Variants in TMC2 observed in about 807,000 individuals in gnomAD.
TMC2 encodes transmembrane channel like 2, also known as transmembrane channel-like protein 2.
Under a neutral mutation model 105.9 loss-of-function variants are expected in TMC2, and 102 were observed. That is an observed-to-expected ratio of 0.96 (90% CI 0.82 to 1.14). TMC2 has a LOEUF of 1.14. Among genes scored for constraint, TMC2 ranks in the 50% most tolerant of loss-of-function variants. TMC2 has a pLI of 0.00. For missense variants in TMC2, 1,093 were observed against 1,134.3 expected, an observed-to-expected ratio of 0.96 and a Z score of 0.52; for synonymous variants, 402 against 422.8, an observed-to-expected ratio of 0.95 and a Z score of 0.60.
At chr20:2,612,068 G>C in intron 12 of TMC2, 123 bp from the exon 13 acceptor site, 1 of 1,005,392 alleles carries the variant, frequency 9.9e-7, no homozygotes, top group South Asian at 2.0e-5. Flanking sequence ...GAAGGACTCT[G>C]TCCAGGGGAG....
At chr20:2,578,375 C>A (rs541494623) in intron 5 of TMC2, among the ~76,000 whole-genome samples, 2 of 152,134 alleles carry the variant, frequency 1.3e-5, no homozygotes, top group African/African-American at 4.8e-5. Flanking sequence ...TCTCTACTAC[C>A]TCTTATGCTT....
At chr20:2,622,792 A>C (rs996480129) in intron 16 of TMC2, among the ~76,000 whole-genome samples, 11 of 152,172 alleles carry the variant, frequency 7.2e-5, no homozygotes, top group Non-Finnish European at 1.0e-4. Flanking sequence ...TACACAGAAA[A>C]TGTTTAGCTG....
intron 2 of TMC2, among the ~76,000 whole-genome samples, chr20:2,541,178 T>G (rs1240075588): frequency 1.3e-5 from 2 of 152,240 alleles, no homozygotes; most frequent in Non-Finnish European, 2.9e-5. Context: ...TTCATGGTAA[T>G]TATTTTTAAT....
At chr20:2,551,088 T>C (rs977269267) in intron 2 of TMC2, among the ~76,000 whole-genome samples, 3 of 152,238 alleles carry the variant, frequency 2.0e-5, no homozygotes, top group Non-Finnish European at 4.4e-5. Flanking sequence ...GCTGTACCAT[T>C]TTGCATCCTC....
Position 2,643,474 on chromosome 20 carries a change from T to C in TMC2, c.*2123T>C, listed in dbSNP as rs1016318346. On this transcript the variant is annotated 3_prime_UTR_variant, in exon 20 of 20. Transcript: ENST00000358864. ...ACACAAACCAACCATCCTGATCTGA[T>C]GAAGTGTAATTTTATGTGACGGAAT... is the stretch of plus-strand genomic sequence containing the variant. 6.6e-6 allele frequency among the ~76,000 whole-genome samples: 1 copy of C among 152,208 alleles called. No individual in the cohort carries two copies. The highest frequency in any genetic ancestry group is 1.5e-5 in the Non-Finnish European group (1 of 68,036).
intron 19 of TMC2, among the ~76,000 whole-genome samples, chr20:2,638,299 A>G (rs372317708): frequency 3.5e-4 from 51 of 146,264 alleles, no homozygotes; most frequent in African/African-American, 1.0e-3. Flanking sequence ...CGAGCTTGCA[A>G]TGAGCTGAGA....
intron 7 of TMC2, among the ~76,000 whole-genome samples, chr20:2,581,831 T>C (rs1276998216): frequency 1.3e-5 from 2 of 152,230 alleles, no homozygotes; most frequent in African/African-American, 4.8e-5. Flanking sequence ...TTAATATTTT[T>C]ATGAGGGAAC....
chr20:2,589,270 CTGTGTGTGTGTGTGTG>C (rs750496572), intron 7 of TMC2, among the ~76,000 whole-genome samples: 381 of 116,348 alleles, frequency 3.3e-3, no homozygotes, highest in African/African-American at 0.014. Flanking sequence ...CCTATTTGCC[CTGTGTGTGTGTGTGTG>C]TGTGTGTGTG....
At chr20:2,608,300 T>TTTATTTTTTA (rs369930519) in intron 11 of TMC2, among the ~76,000 whole-genome samples, 11 of 134,596 alleles carry the variant, frequency 8.2e-5, no homozygotes, top group African/African-American at 2.7e-4. Context: ...CTTATTTTTA[T>TTTATTTTTTA]TTATTATTAT....
chr20:2,616,092 C>CA lies in TMC2; in HGVS notation c.1873-45_1873-44insA. 1 of 1,436,790 alleles carries CA rather than the reference C, an allele frequency of 7.0e-7. No individual in the cohort carries two copies. 89.0% of individuals were successfully genotyped at this position (1,436,790 alleles called of 1,614,324 possible). A position where few individuals can be genotyped will look rare whatever the true frequency, so the allele number is the denominator to read the frequency against. On this transcript the variant is annotated intron_variant, in intron 14 of 19. Coordinates refer to ENST00000358864, the MANE Select transcript of TMC2 (RefSeq NM_080751.3). The surrounding 1 kb of genome is among the most constrained non-coding windows in gnomAD (Gnocchi z 4.8). ...GGTTTGGCTGAATTCACCAAACGTG[C>CA]TTTTTTTTTTCTCTCTCTCTCTCGC...
chr20:2,627,743 C>A (rs1312240328), intron 17 of TMC2, among the ~76,000 whole-genome samples: 1 of 152,166 alleles, frequency 6.6e-6, no homozygotes. Context: ...CTCTGGAGAG[C>A]TGGACCAATA....
Position 2,579,957 on chromosome 20 carries a change from T to G in TMC2, c.735T>G (p.Phe245Leu), listed in dbSNP as rs545149494. Residue 245 changes from phenylalanine to leucine, a missense_variant, in exon 7 of 20, where the codon TTT (phenylalanine) becomes TTG (leucine). By Grantham distance (22) the Phe-to-Leu change is conservative. Transcript: ENST00000358864. ...CGTCTTTTCTCTCTCTAGGTCACTT[T>G]GGTTCTTCAGTGGCATCGTATTTCA... is the stretch of plus-strand genomic sequence containing the variant. ...EMKIKDIESH[F>L]GSSVASYFIF... is the part of the protein sequence containing the mutation. 5.6e-6 allele frequency: 9 copies of G among 1,613,308 alleles called. No homozygotes were observed. Among genetic ancestry groups the G allele is most frequent in the South Asian group, 1.1e-5 (1 of 91,062 alleles).
At chr20:2,545,664 A>G (rs2085917573) in intron 2 of TMC2, among the ~76,000 whole-genome samples, 1 of 149,998 alleles carries the variant, frequency 6.7e-6, no homozygotes, top group South Asian at 2.1e-4. Flanking sequence ...GGTCTAAAGC[A>G]AACAAAAGAA....
chr20:2,548,638 C>A (rs1486556310), intron 2 of TMC2, among the ~76,000 whole-genome samples: 20 of 136,066 alleles, frequency 1.5e-4, no homozygotes, highest in East Asian at 2.1e-4. Context: ...AACTCCATCT[C>A]AAAAAAAAAA....
chr20:2,575,792 C>T (rs922849484), intron 5 of TMC2, among the ~76,000 whole-genome samples: 1 of 146,128 alleles, frequency 6.8e-6, no homozygotes, highest in Admixed American at 7.1e-5. Flanking sequence ...AGAAATTTAT[C>T]AGGTTTATTC....
At chr20:2,607,228 C>T (rs2086400565) in intron 11 of TMC2, among the ~76,000 whole-genome samples, 1 of 152,098 alleles carries the variant, frequency 6.6e-6, no homozygotes, top group South Asian at 2.1e-4. Context: ...GTTAACGGAG[C>T]TCTCTCTTCC....
At chr20:2,613,126 ACTCT>A in intron 13 of TMC2, 64 bp from the exon 14 acceptor site, 1 of 1,556,078 alleles carries the variant, frequency 6.4e-7, no homozygotes, top group Middle Eastern at 2.0e-4. Context: ...CTCTCAACAA[ACTCT>A]CAGGGAGGGT....
intron 7 of TMC2, among the ~76,000 whole-genome samples, chr20:2,583,503 C>T (rs991962896): frequency 6.6e-6 from 1 of 150,894 alleles, no homozygotes; most frequent in African/African-American, 2.4e-5. Flanking sequence ...TGCTCTGTCA[C>T]CCAGGCTGAA....
At chr20:2,563,369 A>G (rs1463798711) in intron 4 of TMC2, among the ~76,000 whole-genome samples, 1 of 152,230 alleles carries the variant, frequency 6.6e-6, no homozygotes, top group Non-Finnish European at 1.5e-5. Context: ...CTCCAGGCCT[A>G]TGCTTTAGGC....
Sources: allele counts gnomAD v4.1 joint callset (sites outside exome capture counted in the v4.1 genomes callset), GRCh38; gene constraint gnomAD v4.1.1; non-coding constraint Gnocchi (gnomAD v3.1); transcripts MANE v1.5; gene names NCBI Gene and HGNC (gene_info 2026-07-23, HGNC 2026-07-21).